Variants in LIMK1 observed in about 807,000 individuals in gnomAD.
LIMK1 encodes the protein LIM domain kinase 1.
LIMK1 carries 21 observed loss-of-function variants against 77.6 expected under a neutral mutation model. The ratio of observed to expected loss-of-function variants is 0.27; its 90% CI spans 0.19 to 0.39. LIMK1 has a LOEUF of 0.39. LIMK1 is among the 10% of genes least tolerant of loss of function. The pLI is 1.00. For synonymous variants in LIMK1, 358 were observed against 370.0 expected (o/e 0.97, Z 0.37); for missense variants, 696 against 901.6 (o/e 0.77, Z 2.92).
chr7:74,085,661 G>T (rs954390464), intron 1 of LIMK1, 87 bp from the exon 2 acceptor site: 6 of 985,092 alleles, frequency 6.1e-6, no homozygotes, highest in Non-Finnish European at 9.4e-6. Flanking sequence ...TGCAGGTGTA[G>T]GTATATGTGG....
intron 5 of LIMK1, among the ~76,000 whole-genome samples, chr7:74,102,150 G>A (rs782531509): frequency 1.2e-4 from 18 of 152,008 alleles, no homozygotes; most frequent in Non-Finnish European, 2.2e-4. Context: ...TGCATGCAAA[G>A]CCTGTATCAA....
intron 2 of LIMK1, chr7:74,093,300 G>T: frequency 6.5e-7 from 1 of 1,535,970 alleles, no homozygotes; most frequent in Non-Finnish European, 8.7e-7. Context: ...AGAGGGCTAA[G>T]TAAGTGGGAA....
chr7:74,107,894 G>A lies in LIMK1; in HGVS notation c.1089G>A (p.Glu363=). ...AIKVTHRETG[E]VMVMKELIRF... ...AGGTGACACACCGTGAGACAGGTGA[G>A]GTGATGGTGATGAAGGAGCTGATCC... The change falls in exon 9 of 16, where the codon GAG becomes GAA. Residue 363 remains glutamate, a synonymous_variant. Transcript: ENST00000336180. The A allele has an allele frequency of 3.2e-6, 5 of 1,576,726 alleles. No homozygotes were observed. Among genetic ancestry groups the A allele is most frequent in the Non-Finnish European group, 4.3e-6 (5 of 1,160,844 alleles).
Position 74,107,490 on chromosome 7 carries a change from A to G in LIMK1, c.1065+297A>G, listed in dbSNP as rs986131070. Among the ~76,000 whole-genome samples, 29 of 152,028 alleles carry G rather than the reference A, an allele frequency of 1.9e-4. 1 individual carries two copies. Among genetic ancestry groups the G allele is most frequent in the African/African-American group, 6.5e-4 (27 of 41,384 alleles). ...GCTGTAGGATCGCTTGAGCCCAGGA[A>G]TTCAAGACCAGCCTTGACATCATCT... is the stretch of plus-strand genomic sequence containing the variant. On this transcript the variant is annotated intron_variant, in intron 8 of 15. Transcript: ENST00000336180.
At chr7:74,095,510 G>A (rs1799320754) in intron 2 of LIMK1, among the ~76,000 whole-genome samples, 1 of 152,096 alleles carries the variant, frequency 6.6e-6, no homozygotes, top group African/African-American at 2.4e-5. Flanking sequence ...GGGCTCAAGC[G>A]ATCCTCCCTC....
At chr7:74,100,214 G>T (rs567837350) in intron 5 of LIMK1, among the ~76,000 whole-genome samples, 2 of 152,204 alleles carry the variant, frequency 1.3e-5, no homozygotes, top group African/African-American at 4.8e-5. Context: ...TCTAGGCTGG[G>T]CAATGGAGCA....
At chr7:74,107,237 C>T (rs2115710452) in intron 8 of LIMK1, 44 bp downstream of exon 8, 3 of 1,533,576 alleles carry the variant, frequency 2.0e-6, no homozygotes, top group Non-Finnish European at 1.8e-6. Flanking sequence ...TGGGTGGGAC[C>T]CCTCCATCCT....
chr7:74,112,918 C>T (rs189069687), intron 12 of LIMK1, among the ~76,000 whole-genome samples: 7 of 152,156 alleles, frequency 4.6e-5, no homozygotes, highest in Middle Eastern at 3.4e-3. Context: ...GAGGAGAGCC[C>T]GGTTCTCCAC....
intron 13 of LIMK1, among the ~76,000 whole-genome samples, chr7:74,117,785 G>T (rs990512755): frequency 2.0e-5 from 3 of 152,104 alleles, no homozygotes; most frequent in Non-Finnish European, 4.4e-5. Flanking sequence ...CTTCTAGCCT[G>T]GGCAACGGAG....
At chr7:74,089,000 A>G (rs1029220027) in intron 2 of LIMK1, among the ~76,000 whole-genome samples, 5 of 152,110 alleles carry the variant, frequency 3.3e-5, no homozygotes, top group Non-Finnish European at 5.9e-5. Flanking sequence ...AATTTCAGGC[A>G]GAAGGGACAG....
At chr7:74,093,378 C>T (rs1409902978) in intron 2 of LIMK1, 66 of 1,495,436 alleles carry the variant, frequency 4.4e-5, no homozygotes, top group Non-Finnish European at 9.9e-6. Context: ...TGGAAGCCGA[C>T]CCACCTAGGT....
chr7:74,106,877 G>T lies in LIMK1; in HGVS notation c.882-133G>T, dbSNP rs550565403. The T allele has an allele frequency of 4.2e-4, 377 of 893,046 alleles. 3 individuals carry two copies. In the South Asian group the frequency reaches 6.8e-3, roughly 16 times the overall value. 55.3% of individuals were successfully genotyped at this position (893,046 alleles called of 1,614,324 possible). A position where few individuals can be genotyped will look rare whatever the true frequency, so the allele number is the denominator to read the frequency against. On this transcript the variant is annotated intron_variant, in intron 7 of 15. Transcript: ENST00000336180. The stretch of plus-strand genomic sequence containing the variant: ...GCAGCCTTTGGACTGTCCCAGGCGG[G>T]CCCTCCCAAAGCAGGGGGTGATTGC...
At chr7:74,104,574 G>A (rs1799528316) in intron 5 of LIMK1, among the ~76,000 whole-genome samples, 1 of 151,514 alleles carries the variant, frequency 6.6e-6, no homozygotes, top group African/African-American at 2.4e-5. Context: ...GCAATGAGCC[G>A]AGATCACTCC....
At chr7:74,094,641 G>C (rs1052648793) in intron 2 of LIMK1, among the ~76,000 whole-genome samples, 1 of 152,154 alleles carries the variant, frequency 6.6e-6, no homozygotes, top group African/African-American at 2.4e-5. Context: ...CTGGCCTCCC[G>C]GCTGCAGCAC....
chr7:74,118,006 A>G (rs1475006585), intron 13 of LIMK1, among the ~76,000 whole-genome samples: 1 of 151,384 alleles, frequency 6.6e-6, no homozygotes, highest in Non-Finnish European at 1.5e-5. Context: ...AGGCAGGAGA[A>G]TCACTTGAAC....
At position 74,102,484 on chromosome 7, in the gene LIMK1, C is replaced by CTCTTTT. The variant is rs1554696729; in HGVS notation, c.608+3247_608+3248insCTTTTT. ...GATATTCTCAAAAGAAGGACCTTCTCTTTTTTTTTTTTTTTTTTGGAGACA... is the reference window on the plus strand; with the variant it reads ...GATATTCTCAAAAGAAGGACCTTCTCTCTTTTTTTTTTTTTTTTTTTTTTGGAGACA... On this transcript the variant is annotated intron_variant, in intron 5 of 15. Coordinates refer to ENST00000336180, the MANE Select transcript of LIMK1 (RefSeq NM_002314.4). Among the ~76,000 whole-genome samples, 39 of 54,084 alleles carry CTCTTTT rather than the reference C, an allele frequency of 7.2e-4. 3 individuals are homozygous for CTCTTTT. The Middle Eastern group carries it at 0.093, about 128-fold the overall frequency. 35.5% of individuals were successfully genotyped at this position (54,084 alleles called of 152,430 possible).
Position 74,096,659 on chromosome 7 carries a change from T to C in LIMK1, c.190T>C (p.Tyr64His), listed in dbSNP as rs149064522. Residue 64 changes from tyrosine to histidine, a missense_variant, in exon 3 of 16, where the codon TAT becomes CAT. Around this residue, in one of 3 missense-constraint regions of LIMK1, gnomAD observed 252 missense variants for 279.4 expected, o/e 0.90. Transcript: ENST00000336180. Reference sequence around the variant, plus strand: ...CAGTGCCTCCCTGTCGCACCAGTACTATGAGAAGGATGGGCAGCTCTTCTG... The same window carrying C: ...CAGTGCCTCCCTGTCGCACCAGTACCATGAGAAGGATGGGCAGCTCTTCTG... Reference protein sequence around the residue: ...DCSASLSHQYYEKDGQLFCKK... With the variant: ...DCSASLSHQYHEKDGQLFCKK... The C allele has an allele frequency of 1.9e-6, 3 of 1,613,956 alleles. No individual in the cohort carries two copies. In the Admixed American group the frequency reaches 5.0e-5, roughly 27 times the overall value.
chr7:74,109,141 G>T (rs1379637032), intron 10 of LIMK1, 105 bp downstream of exon 10: 8 of 887,208 alleles, frequency 9.0e-6, no homozygotes, highest in African/African-American at 1.7e-5. Flanking sequence ...AGCCACAGGG[G>T]TCTCAAAGGC....
intron 8 of LIMK1, 41 bp downstream of exon 8, chr7:74,107,234 G>A (rs782573979): frequency 3.2e-6 from 5 of 1,548,366 alleles, no homozygotes; most frequent in Non-Finnish European, 4.4e-6. Context: ...GTCTGGGTGG[G>A]ACCCCTCCAT....
Sources: gnomAD v4.1 joint callset for allele counts (sites outside exome capture counted in the v4.1 genomes callset) on GRCh38, gnomAD v4.1.1 for gene constraint, gnomAD v4.1.1 regional missense constraint, MANE v1.5 for transcripts, NCBI Gene and HGNC (gene_info 2026-07-23, HGNC 2026-07-21) for gene names.